Variants in CYSLTR2 observed in about 807,000 individuals in gnomAD.
CYSLTR2 encodes the protein cysteinyl leukotriene receptor 2.
For synonymous variants in CYSLTR2, 179 were observed against 160.8 expected, an observed-to-expected ratio of 1.11 and a Z score of -0.86; for missense variants, 398 against 411.9, an observed-to-expected ratio of 0.97 and a Z score of 0.29.
At chr13:48,679,757 T>C (rs1953699566) in intron 1 of CYSLTR2, among the ~76,000 whole-genome samples, 1 of 152,096 alleles carries the variant, frequency 6.6e-6, no homozygotes, top group Admixed American at 6.6e-5. Flanking sequence ...TTGGGGGAGC[T>C]GATAAAGGAA....
At chr13:48,655,281 C>G (rs1301097124) in intron 1 of CYSLTR2, among the ~76,000 whole-genome samples, 1 of 152,186 alleles carries the variant, frequency 6.6e-6, no homozygotes, top group Non-Finnish European at 1.5e-5. Context: ...AGATTAAACA[C>G]AAGGTGGGCA....
rs571564828 is a variant in CYSLTR2 at position 48,654,944 on chromosome 13, T to C, written c.-266+927T>C. Among the ~76,000 whole-genome samples the C allele has an allele frequency of 3.6e-4, 55 of 152,320 alleles. 1 individual carries two copies. The South Asian group carries it at 0.011, about 30-fold the overall frequency. The stretch of plus-strand genomic sequence containing the variant: ...CTGAAATATACCTGAGAGTAATATG[T>C]ATTAGGAGAAAGGGAGGTATAATTT... On this transcript the variant is annotated intron_variant, in intron 1 of 4. Coordinates refer to ENST00000682523, the MANE Select transcript of CYSLTR2 (RefSeq NM_001308476.3).
At chr13:48,682,718 A>G (rs924599691) in intron 1 of CYSLTR2, among the ~76,000 whole-genome samples, 2 of 152,180 alleles carry the variant, frequency 1.3e-5, no homozygotes, top group Non-Finnish European at 1.5e-5. Context: ...ACTAATAGGG[A>G]ACTAATTTTT....
intron 1 of CYSLTR2, among the ~76,000 whole-genome samples, chr13:48,662,934 C>T (rs1953166156): frequency 6.6e-6 from 1 of 152,110 alleles, no homozygotes; most frequent in Admixed American, 6.6e-5. Context: ...GACCAGTGTT[C>T]TGAAATGTGT....
At chr13:48,684,751 C>G (rs749931077) in intron 1 of CYSLTR2, among the ~76,000 whole-genome samples, 8 of 152,088 alleles carry the variant, frequency 5.3e-5, no homozygotes, top group Non-Finnish European at 1.2e-4. Context: ...GAAATAAGTT[C>G]TTTGCAGATG....
intron 1 of CYSLTR2, among the ~76,000 whole-genome samples, chr13:48,667,523 G>A (rs572162684): frequency 6.6e-6 from 1 of 152,258 alleles, no homozygotes; most frequent in South Asian, 2.1e-4. Flanking sequence ...CAGAACGTCT[G>A]CTTGGCTTGC....
rs151157627 is a variant in CYSLTR2, at chr13:48,706,844, A to T, written c.27A>T (p.Gln9His). Reference sequence around the variant, plus strand: ...TGGAGAGAAAATTTATGTCCTTGCAACCATCCATCTCCGTATCAGAAATGG... The same window carrying T: ...TGGAGAGAAAATTTATGTCCTTGCATCCATCCATCTCCGTATCAGAAATGG... MERKFMSL[Q>H]PSISVSEMEP... is the part of the protein sequence containing the mutation. The change falls in exon 5 of 5, where the codon CAA becomes CAT. Residue 9 changes from glutamine to histidine, a missense_variant. Coordinates refer to ENST00000682523, the MANE Select transcript of CYSLTR2 (RefSeq NM_001308476.3). 10 of 1,613,200 alleles carry T rather than the reference A, an allele frequency of 6.2e-6. No individual in the cohort carries two copies. Among genetic ancestry groups the T allele is most frequent in the Non-Finnish European group, 8.5e-6 (10 of 1,179,404 alleles).
chr13:48,698,294 G>A (rs1954249496), intron 4 of CYSLTR2, among the ~76,000 whole-genome samples: 1 of 152,192 alleles, frequency 6.6e-6, no homozygotes, highest in African/African-American at 2.4e-5. Flanking sequence ...ACCCACAAAG[G>A]GAAGCCCATC....
chr13:48,664,931 T>C (rs1435992799), intron 1 of CYSLTR2, among the ~76,000 whole-genome samples: 1 of 152,098 alleles, frequency 6.6e-6, no homozygotes, highest in African/African-American at 2.4e-5. Flanking sequence ...TTTTAATTTC[T>C]AATGTAGGCA....
intron 4 of CYSLTR2, among the ~76,000 whole-genome samples, chr13:48,704,582 G>A (rs1954435095): frequency 6.6e-6 from 1 of 150,418 alleles, no homozygotes; most frequent in African/African-American, 2.4e-5. Flanking sequence ...TGTAATGTAT[G>A]AATTTAGTGT....
Position 48,711,031 on chromosome 13 carries a change from C to A in CYSLTR2, c.*3173C>A, listed in dbSNP as rs894560820. On this transcript the variant is annotated 3_prime_UTR_variant, in exon 5 of 5. Coordinates refer to ENST00000682523, the MANE Select transcript of CYSLTR2 (RefSeq NM_001308476.3). ...TGGAAAATGATGAATAGCTGTACAA[C>A]CATATTATTTAGCAATAGGAGGTAA... 1 of 151,916 alleles carries A rather than the reference C, an allele frequency of 6.6e-6. No homozygotes were observed. Among genetic ancestry groups the A allele is most frequent in the African/African-American group, 2.4e-5 (1 of 41,324 alleles). The allele number at this position is 151,916 out of a possible 1,614,324, so 9.4% of individuals were successfully genotyped here.
At chr13:48,690,573 T>C (rs1954012952) in intron 1 of CYSLTR2, among the ~76,000 whole-genome samples, 2 of 152,342 alleles carry the variant, frequency 1.3e-5, no homozygotes, top group South Asian at 4.1e-4. Flanking sequence ...TTTGCATATG[T>C]TGAACCAGTC....
chr13:48,683,136 G>A (rs1851119156), intron 1 of CYSLTR2, among the ~76,000 whole-genome samples: 2 of 152,098 alleles, frequency 1.3e-5, no homozygotes, highest in Non-Finnish European at 2.9e-5. Flanking sequence ...CCATTGATGG[G>A]CATTTAGGTT....
At chr13:48,675,182 C>T (rs186527098) in intron 1 of CYSLTR2, among the ~76,000 whole-genome samples, 318 of 152,284 alleles carry the variant, frequency 2.1e-3, no homozygotes, top group African/African-American at 6.1e-3. Context: ...CTGAAAGATC[C>T]GCTGCTCTCT....
rs191464931 is a variant in CYSLTR2 at position 48,689,772 on chromosome 13, T to C, written c.-265-1440T>C. Among the ~76,000 whole-genome samples the C allele has an allele frequency of 8.2e-4, 125 of 152,328 alleles. 1 individual carries two copies. The highest frequency in any genetic ancestry group is 2.9e-3 in the African/African-American group (121 of 41,572). ...GTTCCATATGAAATTTAAAGTAGTTTTTTTTCTAATTCTGCAAAGAAACTC... is the reference window on the plus strand; with the variant it reads ...GTTCCATATGAAATTTAAAGTAGTTCTTTTTCTAATTCTGCAAAGAAACTC... On this transcript the variant is annotated intron_variant, in intron 1 of 4. Coordinates refer to ENST00000682523, the MANE Select transcript of CYSLTR2 (RefSeq NM_001308476.3).
At chr13:48,677,271 G>T (rs796149651) in intron 1 of CYSLTR2, among the ~76,000 whole-genome samples, 19 of 152,284 alleles carry the variant, frequency 1.2e-4, no homozygotes, top group African/African-American at 4.3e-4. Flanking sequence ...TCTAAGGAGG[G>T]TCTCCTCTGA....
At chr13:48,703,848 C>A (rs1954413061) in intron 4 of CYSLTR2, among the ~76,000 whole-genome samples, 1 of 152,096 alleles carries the variant, frequency 6.6e-6, no homozygotes, top group Non-Finnish European at 1.5e-5. Flanking sequence ...CCAGTGAAGC[C>A]ATCTGGATCT....
intron 1 of CYSLTR2, among the ~76,000 whole-genome samples, chr13:48,673,783 G>A (rs1433623852): frequency 6.6e-6 from 1 of 151,986 alleles, no homozygotes; most frequent in Non-Finnish European, 1.5e-5. Flanking sequence ...TCCATATTTA[G>A]TGCTTCCTTT....
chr13:48,673,980 C>T (rs188119263), intron 1 of CYSLTR2, among the ~76,000 whole-genome samples: 8 of 152,250 alleles, frequency 5.3e-5, no homozygotes, highest in East Asian at 1.9e-4. Context: ...AGAGTTTCTG[C>T]GGAGAGATCT....
Sources: allele counts gnomAD v4.1 joint callset (sites outside exome capture counted in the v4.1 genomes callset), GRCh38; gene constraint gnomAD v4.1.1; transcripts MANE v1.5; gene names NCBI Gene and HGNC (gene_info 2026-07-23, HGNC 2026-07-21).